The following PRKAA2 variants were observed in gnomAD, a reference collection of about 807,000 sequenced individuals.
PRKAA2 encodes the protein protein kinase AMP-activated catalytic subunit alpha 2.
A neutral mutation model predicts 56.3 loss-of-function variants in PRKAA2; 40 were observed. The observed-to-expected ratio is 0.71, with a 90% CI of 0.55 to 0.92. The LOEUF is 0.92. Among genes scored for constraint, PRKAA2 ranks in the 40% least tolerant of loss-of-function variants. The pLI is 0.00. For missense variants in PRKAA2, 542 were observed against 686.9 expected, an observed-to-expected ratio of 0.79 and a Z score of 2.36; for synonymous variants, 214 against 234.2, an observed-to-expected ratio of 0.91 and a Z score of 0.79.
chr1:56,672,465 T>A (rs1644084380), intron 1 of PRKAA2, among the ~76,000 whole-genome samples: 1 of 152,150 alleles, frequency 6.6e-6, no homozygotes, highest in African/African-American at 2.4e-5. Flanking sequence ...TCTGGGATAT[T>A]AATCTTGAAA....
intron 2 of PRKAA2, among the ~76,000 whole-genome samples, chr1:56,678,694 T>A (rs1644131564): frequency 2.1e-3 from 1 of 484 alleles, no homozygotes; most frequent in Middle Eastern, 0.5. Flanking sequence ...TCTTGTCTAA[T>A]TTTTTTTTTT....
intron 1 of PRKAA2, among the ~76,000 whole-genome samples, chr1:56,648,312 T>G (rs2100374271): frequency 6.6e-6 from 1 of 152,334 alleles, no homozygotes; most frequent in South Asian, 2.1e-4. Flanking sequence ...AACGTGATCG[T>G]TCAATATGTC....
chr1:56,673,230 C>T (rs1295547875), intron 1 of PRKAA2, among the ~76,000 whole-genome samples: 3 of 151,852 alleles, frequency 2.0e-5, no homozygotes, highest in Non-Finnish European at 4.4e-5. Flanking sequence ...GAAAAATTAG[C>T]TGGGGATGCT....
rs1168509882 is a variant in PRKAA2, at chr1:56,715,036, T to A, written c.*7323T>A. 6.6e-6 allele frequency: 1 copy of A among 151,602 alleles called. No individual in the cohort carries two copies. Among genetic ancestry groups the A allele is most frequent in the African/African-American group, 2.4e-5 (1 of 41,334 alleles). The allele number at this position is 151,602 out of a possible 1,614,324, so 9.4% of individuals were successfully genotyped here. ...TATAATTGGTTTCAAGAAAAAAAAA[T>A]GAACAGACTTCCAGTGCTTTTCTGT... On this transcript the variant is annotated 3_prime_UTR_variant, in exon 9 of 9. Transcript: ENST00000371244.
At chr1:56,666,470 G>A (rs149152241) in intron 1 of PRKAA2, among the ~76,000 whole-genome samples, 7 of 152,254 alleles carry the variant, frequency 4.6e-5, no homozygotes, top group African/African-American at 1.2e-4. Flanking sequence ...ACTGAAAGAC[G>A]GTACTTCATT....
At chr1:56,645,664 G>A (rs1308185261) in intron 1 of PRKAA2, among the ~76,000 whole-genome samples, 183 bp downstream of exon 1, 1 of 151,946 alleles carries the variant, frequency 6.6e-6, no homozygotes, top group Non-Finnish European at 1.5e-5. Flanking sequence ...ACCGGCGCCC[G>A]GGCCCCACAG....
At chr1:56,649,368 G>A (rs575859489) in intron 1 of PRKAA2, among the ~76,000 whole-genome samples, 1 of 152,252 alleles carries the variant, frequency 6.6e-6, no homozygotes, top group Admixed American at 6.5e-5. Context: ...TACTAAAAAA[G>A]CTAATAGGAG....
intron 5 of PRKAA2, among the ~76,000 whole-genome samples, chr1:56,694,716 C>T (rs1179897595): frequency 6.6e-6 from 1 of 151,998 alleles, no homozygotes; most frequent in Non-Finnish European, 1.5e-5. Flanking sequence ...GAACTCTGCA[C>T]TAGTGACCTA....
At chr1:56,649,104 G>A (rs1646667037) in intron 1 of PRKAA2, among the ~76,000 whole-genome samples, 1 of 152,106 alleles carries the variant, frequency 6.6e-6, no homozygotes, top group African/African-American at 2.4e-5. Flanking sequence ...CTATGCTCTT[G>A]ATGTCATAGG....
chr1:56,707,824 T>G lies in PRKAA2; in HGVS notation c.*111T>G, dbSNP rs1644342752. On this transcript the variant is annotated 3_prime_UTR_variant, in exon 9 of 9. Coordinates refer to ENST00000371244, the MANE Select transcript of PRKAA2 (RefSeq NM_006252.4). ...TGCAATACTAATTGAGAAACATGAA[T>G]TATTTCCAGGGGCACACAATGCTAT... 1 of 1,013,354 alleles carries G rather than the reference T, an allele frequency of 9.9e-7. No individual in the cohort carries two copies. The highest frequency in any genetic ancestry group is 1.6e-5 in the African/African-American group (1 of 61,840). 62.8% of individuals were successfully genotyped at this position (1,013,354 alleles called of 1,614,324 possible).
intron 2 of PRKAA2, among the ~76,000 whole-genome samples, chr1:56,689,334 C>A (rs1644212003): frequency 6.6e-6 from 1 of 152,154 alleles, no homozygotes; most frequent in East Asian, 1.9e-4. Context: ...TTGAAATAGT[C>A]TCAATTCTTC....
chr1:56,696,614 G>A (rs1160345540), intron 6 of PRKAA2, among the ~76,000 whole-genome samples: 3 of 152,054 alleles, frequency 2.0e-5, no homozygotes, highest in African/African-American at 2.4e-5. Flanking sequence ...TAAAAGGCCT[G>A]GAAAGATGGT....
intron 2 of PRKAA2, among the ~76,000 whole-genome samples, chr1:56,688,830 CTG>C (rs947055340): frequency 9.9e-5 from 15 of 152,164 alleles, no homozygotes; most frequent in African/African-American, 3.6e-4. Flanking sequence ...TCTGGCTAAA[CTG>C]TAAGCTCCAC....
intron 2 of PRKAA2, among the ~76,000 whole-genome samples, chr1:56,688,529 C>G: frequency 6.6e-6 from 1 of 152,134 alleles, no homozygotes; most frequent in Non-Finnish European, 1.5e-5. Context: ...GACTTTTAAG[C>G]TGAGATCTAA....
chr1:56,689,934 ACACT>A (rs1644216435), intron 2 of PRKAA2, among the ~76,000 whole-genome samples: 2 of 123,668 alleles, frequency 1.6e-5, no homozygotes, highest in South Asian at 2.8e-4. Flanking sequence ...ACACACACAC[ACACT>A]CTTAATTTTT....
At chr1:56,693,652 TAA>T in intron 4 of PRKAA2, 111 bp from the exon 5 acceptor site, 1 of 597,318 alleles carries the variant, frequency 1.7e-6, no homozygotes, top group Non-Finnish European at 2.7e-6. Context: ...TTTAATAACT[TAA>T]AAAAAAATGA....
In PRKAA2 at chr1:56,707,651, G is replaced by A. The variant is rs780092172; in HGVS notation, c.1597G>A (p.Gly533Ser). The A allele has an allele frequency of 6.2e-7, 1 of 1,613,960 alleles. No individual in the cohort carries two copies. The highest frequency in any genetic ancestry group is 8.5e-7 in the Non-Finnish European group (1 of 1,179,914). Residue 533 changes from glycine (G) to serine (S), a missense_variant, in exon 9 of 9, where the codon GGC becomes AGC. By Grantham distance (56) the Gly-to-Ser change is moderately conservative (BLOSUM62 0). Transcript: ENST00000371244. ...ATTGTCTTCAGTTTCACCTCGCCTG[G>A]GCAGTCACACCATGGATTTTTTTGA... is the stretch of plus-strand genomic sequence containing the variant. ...STLSSVSPRL[G>S]SHTMDFFEMC... is the part of the protein sequence containing the mutation.
At chr1:56,655,932 G>A (rs1468628488) in intron 1 of PRKAA2, among the ~76,000 whole-genome samples, 2 of 152,126 alleles carry the variant, frequency 1.3e-5, no homozygotes, top group East Asian at 3.8e-4. Flanking sequence ...ACAATGTTCA[G>A]CATTCTAAGA....
rs1000005294 is a variant in PRKAA2 at position 56,701,847 on chromosome 1, T to C, written c.789-2124T>C. On this transcript the variant is annotated intron_variant, in intron 6 of 8. Transcript: ENST00000371244. ...AAGCAGAGCTTGCAGTGAGTGGAGA[T>C]TGAGCTACTGCACTCCAGCCTGGGT... Among the ~76,000 whole-genome samples, 4 of 152,002 alleles carry C rather than the reference T, an allele frequency of 2.6e-5. No homozygotes were observed. In the East Asian group the frequency reaches 5.9e-4, roughly 22 times the overall value.
Sources: allele counts gnomAD v4.1 joint callset (sites outside exome capture counted in the v4.1 genomes callset), GRCh38; gene constraint gnomAD v4.1.1; transcripts MANE v1.5; gene names NCBI Gene and HGNC (gene_info 2026-07-23, HGNC 2026-07-21).